Variants in SNTG1 observed in about 807,000 individuals in gnomAD.
SNTG1 encodes gamma-1-syntrophin.
A neutral mutation model predicts 74.7 loss-of-function variants in SNTG1; 39 were observed. That is an observed-to-expected ratio of 0.52 (90% CI 0.40 to 0.68). The LOEUF is 0.68. Among genes scored for constraint, SNTG1 ranks in the 30% least tolerant of loss-of-function variants. SNTG1 has a pLI of 0.00. For synonymous variants in SNTG1, 254 were observed against 217.1 expected, an observed-to-expected ratio of 1.17 and a Z score of -1.49; for missense variants, 685 against 609.5, an observed-to-expected ratio of 1.12 and a Z score of -1.30.
rs77657538 is a variant in SNTG1, at chr8:49,941,140, C to T, written c.-103+28909C>T. ...GCACTCTGCATTCAAGCTCTGACAA[C>T]GCAAGAGTGGGTGGTTTCACAAAGG... On this transcript the variant is annotated intron_variant, in intron 1 of 18. Coordinates refer to ENST00000642720, the MANE Select transcript of SNTG1 (RefSeq NM_018967.5). Among the ~76,000 whole-genome samples the T allele has an allele frequency of 1.8e-4, 27 of 152,170 alleles. No homozygotes were observed. In the East Asian group the frequency reaches 3.9e-3, roughly 22 times the overall value.
At position 50,547,435 on chromosome 8, in the gene SNTG1, A is replaced by G. The variant is rs181144352; in HGVS notation, c.681-5615A>G. 3.3e-5 allele frequency among the ~76,000 whole-genome samples: 5 copies of G among 152,310 alleles called. No homozygotes were observed. The East Asian group carries it at 9.7e-4, about 29-fold the overall frequency. On this transcript the variant is annotated intron_variant, in intron 11 of 18. Coordinates refer to ENST00000642720, the MANE Select transcript of SNTG1 (RefSeq NM_018967.5). ...GAAACTGCCACAATCCCCTTAAAAT[A>G]TATGAATCTCTTTGGAAAAGTCCAC...
chr8:50,742,166 C>G (rs112770690), intron 17 of SNTG1, among the ~76,000 whole-genome samples: 96 of 151,928 alleles, frequency 6.3e-4, no homozygotes, highest in African/African-American at 2.1e-3. Context: ...ACAAAATTAA[C>G]CAACTGGATC....
chr8:50,534,156 T>C (rs1461893363), intron 10 of SNTG1, among the ~76,000 whole-genome samples: 6 of 152,230 alleles, frequency 3.9e-5, no homozygotes, highest in African/African-American at 1.4e-4. Flanking sequence ...GAATGTTAAA[T>C]GTTCCACAGT....
At chr8:50,011,525 T>C (rs1047238042) in intron 1 of SNTG1, among the ~76,000 whole-genome samples, 3 of 152,124 alleles carry the variant, frequency 2.0e-5, no homozygotes, top group African/African-American at 7.2e-5. Context: ...AAGTATTTCT[T>C]TATTACTAGC....
chr8:50,377,858 CA>C (rs2092415014), intron 2 of SNTG1, among the ~76,000 whole-genome samples: 1 of 152,186 alleles, frequency 6.6e-6, no homozygotes, highest in Non-Finnish European at 1.5e-5. Context: ...CAGAAAATTT[CA>C]AAACTTCATG....
intron 2 of SNTG1, among the ~76,000 whole-genome samples, chr8:50,269,857 A>C (rs1192891517): frequency 6.6e-6 from 1 of 152,160 alleles, no homozygotes. Context: ...ACGTATACAC[A>C]TTTACTCTAT....
chr8:50,364,578 A>G (rs1199367125), intron 2 of SNTG1, among the ~76,000 whole-genome samples: 1 of 152,162 alleles, frequency 6.6e-6, no homozygotes, highest in Non-Finnish European at 1.5e-5. Flanking sequence ...CTTATATCAT[A>G]GCATTTTCTC....
chr8:50,053,816 A>G (rs1393770594), intron 1 of SNTG1, among the ~76,000 whole-genome samples: 1 of 152,008 alleles, frequency 6.6e-6, no homozygotes, highest in African/African-American at 2.4e-5. Flanking sequence ...ACCACAACAC[A>G]TACACATTGT....
chr8:50,669,668 G>A (rs889509118), intron 15 of SNTG1, among the ~76,000 whole-genome samples: 19 of 152,188 alleles, frequency 1.2e-4, no homozygotes, highest in African/African-American at 4.3e-4. Flanking sequence ...AGAAAAAGAG[G>A]GAATCCTCCC....
chr8:50,068,113 A>G (rs1228451581), intron 1 of SNTG1, among the ~76,000 whole-genome samples: 1 of 152,176 alleles, frequency 6.6e-6, no homozygotes, highest in Non-Finnish European at 1.5e-5. Flanking sequence ...AATAGATGTA[A>G]AGGAACAGAA....
chr8:50,717,016 G>C lies in SNTG1; in HGVS notation c.1284+8038G>C, dbSNP rs181162520. 9.0e-4 allele frequency among the ~76,000 whole-genome samples: 137 copies of C among 152,182 alleles called. 2 individuals carry two copies. The highest frequency in any genetic ancestry group is 6.8e-3 in the Middle Eastern group (2 of 294). On this transcript the variant is annotated intron_variant, in intron 17 of 18. Coordinates refer to ENST00000642720, the MANE Select transcript of SNTG1 (RefSeq NM_018967.5). ...CTCCCAAAATGCTGGGATTACAGGC[G>C]TGAGCCACCGCGCCCAGCTCTTACT... is the stretch of plus-strand genomic sequence containing the variant.
chr8:50,451,800 A>G (rs559440647), intron 8 of SNTG1, among the ~76,000 whole-genome samples: 7 of 152,268 alleles, frequency 4.6e-5, no homozygotes, highest in Middle Eastern at 3.4e-3. Flanking sequence ...AGAAAGGAAC[A>G]GGACTGTGGT....
chr8:50,271,979 C>G (rs989035055), intron 2 of SNTG1, among the ~76,000 whole-genome samples: 18 of 151,946 alleles, frequency 1.2e-4, no homozygotes, highest in Non-Finnish European at 1.8e-4. Flanking sequence ...TTTTTTTGAC[C>G]AGGTGAGAGT....
At chr8:50,490,287 G>GT (rs368528524) in intron 8 of SNTG1, among the ~76,000 whole-genome samples, 2,499 of 152,242 alleles carry the variant, frequency 0.016, 76 homozygotes, top group African/African-American at 0.057. Context: ...ATTGAACGTA[G>GT]TTTTTTCTAA....
intron 1 of SNTG1, among the ~76,000 whole-genome samples, chr8:50,126,797 A>G (rs1464592427): frequency 1.3e-5 from 2 of 152,098 alleles, no homozygotes; most frequent in South Asian, 2.1e-4. Context: ...AAAACAAAAG[A>G]AAGCCCATGA....
chr8:50,531,169 T>C (rs1379747595), intron 10 of SNTG1, among the ~76,000 whole-genome samples: 1 of 152,204 alleles, frequency 6.6e-6, no homozygotes, highest in Non-Finnish European at 1.5e-5. Context: ...CTGATTTCCC[T>C]AGTATTACTC....
chr8:50,430,562 C>G (rs1455239184), intron 4 of SNTG1, among the ~76,000 whole-genome samples: 1 of 152,072 alleles, frequency 6.6e-6, no homozygotes, highest in Non-Finnish European at 1.5e-5. Context: ...AAAGTAGCCC[C>G]CACATGCTGA....
At chr8:50,604,300 C>T (rs560771046) in intron 13 of SNTG1, among the ~76,000 whole-genome samples, 6 of 152,118 alleles carry the variant, frequency 3.9e-5, no homozygotes, top group African/African-American at 1.2e-4. Context: ...TGCCTGTAGT[C>T]CCAGCTACAG....
intron 2 of SNTG1, among the ~76,000 whole-genome samples, chr8:50,210,456 A>G (rs2084465657): frequency 6.6e-6 from 1 of 152,170 alleles, no homozygotes; most frequent in African/African-American, 2.4e-5. Flanking sequence ...ATGACGGAAA[A>G]AATGTTAAGG....
Sources: allele counts gnomAD v4.1 joint callset (sites outside exome capture counted in the v4.1 genomes callset), GRCh38; gene constraint gnomAD v4.1.1; transcripts MANE v1.5; gene names NCBI Gene and HGNC (gene_info 2026-07-23, HGNC 2026-07-21).